The following SOX6 variants were observed in gnomAD, a reference collection of about 807,000 sequenced individuals.
SOX6 encodes SRY-box transcription factor 6.
In SOX6, 11 loss-of-function variants were observed where a neutral mutation model predicts 97.8. That is an observed-to-expected ratio of 0.11 (90% CI 0.07 to 0.19). The LOEUF is 0.19. SOX6 is among the 10% of genes least tolerant of loss of function. The pLI, the probability that SOX6 is intolerant of heterozygous loss-of-function variation, is 1.00. For synonymous variants in SOX6, 360 were observed against 371.4 expected, an observed-to-expected ratio of 0.97 and a Z score of 0.35; for missense variants, 810 against 1,039.5, an observed-to-expected ratio of 0.78 and a Z score of 3.04.
chr11:16,699,181 A>G (rs1294915474), intron 3 of SOX6, among the ~76,000 whole-genome samples: 1 of 152,226 alleles, frequency 6.6e-6, no homozygotes, highest in African/African-American at 2.4e-5. Flanking sequence ...CAGGCATTAT[A>G]GTAAATGTTT....
intron 6 of SOX6, among the ~76,000 whole-genome samples, chr11:16,182,516 T>C (rs1168076570): frequency 6.6e-6 from 1 of 151,842 alleles, no homozygotes; most frequent in Non-Finnish European, 1.5e-5. Flanking sequence ...AGTTATTTAA[T>C]TAAGGGTCTC....
chr11:16,565,358 C>CA (rs1195007636), intron 4 of SOX6, among the ~76,000 whole-genome samples: 1 of 151,982 alleles, frequency 6.6e-6, no homozygotes, highest in Non-Finnish European at 1.5e-5. Context: ...AAATGTCTAC[C>CA]AAATGTTTAA....
intron 9 of SOX6, among the ~76,000 whole-genome samples, chr11:16,084,914 T>C (rs1039647797): frequency 1.3e-5 from 2 of 152,222 alleles, no homozygotes; most frequent in South Asian, 4.1e-4. Context: ...GATAGATGAC[T>C]ATTTTGTTCT....
intron 4 of SOX6, among the ~76,000 whole-genome samples, chr11:16,522,238 G>A (rs1046579560): frequency 2.0e-4 from 30 of 152,036 alleles, no homozygotes; most frequent in African/African-American, 5.3e-4. Context: ...GAGAAAGGTC[G>A]GGTTACCCAC....
Position 16,218,586 on chromosome 11 carries a change from G to A in SOX6, c.535+15996C>T, listed in dbSNP as rs897383983. Among the ~76,000 whole-genome samples, 4 of 152,040 alleles carry A rather than the reference G, an allele frequency of 2.6e-5. No individual in the cohort carries two copies. In the South Asian group the frequency reaches 8.3e-4, roughly 31 times the overall value. Reference sequence around the variant, plus strand: ...GTGATGGAAGCCTAGTTAAACAAATGTTAATAGGAATGTAACTCTTTGCTT... The same window carrying A: ...GTGATGGAAGCCTAGTTAAACAAATATTAATAGGAATGTAACTCTTTGCTT... On this transcript the variant is annotated intron_variant, in intron 4 of 15. Transcript: ENST00000683767.
chr11:16,670,790 T>C (rs1444294951), intron 3 of SOX6, among the ~76,000 whole-genome samples: 3 of 151,436 alleles, frequency 2.0e-5, no homozygotes, highest in East Asian at 3.9e-4. Flanking sequence ...TGCCTCCAAG[T>C]TGGGGAAGAA....
At chr11:16,454,159 T>C (rs1859770340) in intron 1 of SOX6, among the ~76,000 whole-genome samples, 1 of 152,122 alleles carries the variant, frequency 6.6e-6, no homozygotes. Flanking sequence ...AACACAAGAC[T>C]ACATAACTCA....
At chr11:16,198,434 C>G (rs754884170) in intron 4 of SOX6, among the ~76,000 whole-genome samples, 1 of 151,972 alleles carries the variant, frequency 6.6e-6, no homozygotes, top group Admixed American at 6.6e-5. Flanking sequence ...ATAAAACTCA[C>G]TTTCTAACGT....
At chr11:16,362,741 G>T (rs943470041) in intron 1 of SOX6, among the ~76,000 whole-genome samples, 1 of 152,088 alleles carries the variant, frequency 6.6e-6, no homozygotes. Flanking sequence ...AAATAAAAAC[G>T]CCTGCTTCAG....
At chr11:16,097,730 G>C in intron 7 of SOX6, 42 bp from the exon 8 acceptor site, 1 of 1,543,026 alleles carries the variant, frequency 6.5e-7, no homozygotes, top group South Asian at 1.1e-5. Flanking sequence ...ACAATGCACA[G>C]GGAATTGCAG....
At chr11:16,218,141 A>G (rs1019676157) in intron 4 of SOX6, among the ~76,000 whole-genome samples, 1 of 152,146 alleles carries the variant, frequency 6.6e-6, no homozygotes, top group Non-Finnish European at 1.5e-5. Flanking sequence ...AAATAAGCAC[A>G]GACTGGATTT....
At chr11:16,089,424 C>T (rs1848638287) in intron 9 of SOX6, among the ~76,000 whole-genome samples, 1 of 152,152 alleles carries the variant, frequency 6.6e-6, no homozygotes, top group Admixed American at 6.6e-5. Flanking sequence ...CCACATAGCA[C>T]CTGATACATA....
intron 4 of SOX6, among the ~76,000 whole-genome samples, chr11:16,208,755 A>T (rs1852139613): frequency 6.6e-6 from 1 of 152,230 alleles, no homozygotes; most frequent in Admixed American, 6.5e-5. Flanking sequence ...GAAGTTCTAT[A>T]TAACTCAGAG....
intron 4 of SOX6, among the ~76,000 whole-genome samples, chr11:16,584,958 CA>C (rs1848075852): frequency 6.6e-6 from 1 of 152,206 alleles, no homozygotes; most frequent in Non-Finnish European, 1.5e-5. Flanking sequence ...TGCTACATCA[CA>C]AATCTAGCCC....
intron 1 of SOX6, among the ~76,000 whole-genome samples, chr11:16,446,896 C>G (rs747303512): frequency 6.6e-6 from 1 of 151,076 alleles, no homozygotes; most frequent in African/African-American, 2.4e-5. Context: ...TTCTTTGTTT[C>G]TTTCTTTCCT....
At chr11:16,050,209 T>G (rs1847651849) in intron 10 of SOX6, among the ~76,000 whole-genome samples, 1 of 152,160 alleles carries the variant, frequency 6.6e-6, no homozygotes, top group African/African-American at 2.4e-5. Context: ...ACAGCTTAAT[T>G]TCCTAATGTG....
chr11:16,052,618 G>C (rs1212061401), intron 10 of SOX6, among the ~76,000 whole-genome samples: 5 of 151,946 alleles, frequency 3.3e-5, no homozygotes, highest in African/African-American at 7.3e-5. Flanking sequence ...CATATATTTT[G>C]CTGCTTTGCA....
chr11:16,072,386 A>T (rs1469809101), intron 9 of SOX6, among the ~76,000 whole-genome samples: 1 of 152,166 alleles, frequency 6.6e-6, no homozygotes, highest in Non-Finnish European at 1.5e-5. Flanking sequence ...TCAGTCAGAC[A>T]AAAACAAAAA....
At chr11:16,389,538 T>C (rs913425184) in intron 1 of SOX6, among the ~76,000 whole-genome samples, 3 of 152,200 alleles carry the variant, frequency 2.0e-5, no homozygotes, top group Non-Finnish European at 4.4e-5. Context: ...CTCTCTCTAC[T>C]GAGATGTCTT....
Sources: allele counts gnomAD v4.1 joint callset (sites outside exome capture counted in the v4.1 genomes callset), GRCh38; gene constraint gnomAD v4.1.1; transcripts MANE v1.5; gene names NCBI Gene and HGNC (gene_info 2026-07-23, HGNC 2026-07-21).